Variants in ZNF473 observed in about 807,000 individuals in gnomAD.
ZNF473 encodes zinc finger protein 100 homolog.
Under a neutral mutation model 11.1 loss-of-function variants are expected in ZNF473, and 4 were observed. The observed-to-expected ratio is 0.36, with a 90% CI of 0.18 to 0.82. The LOEUF is 0.82. Ranked by LOEUF, ZNF473 falls within the 40% of genes least tolerant of loss-of-function variation. The probability of loss-of-function intolerance (pLI) is 0.49; values close to 1 mark genes in which losing one functional copy is unlikely to be tolerated. For synonymous variants in ZNF473, 404 were observed against 390.4 expected (o/e 1.03, Z -0.41); for missense variants, 854 against 1,084.0 (o/e 0.79, Z 2.98).
At position 50,033,542 on chromosome 19, in the gene ZNF473, G is replaced by A. The variant is rs117878682; in HGVS notation, c.9+2451G>A. On this transcript the variant is annotated intron_variant, in intron 2 of 4. Coordinates refer to ENST00000270617, the MANE Select transcript of ZNF473 (RefSeq NM_015428.4). The stretch of plus-strand genomic sequence containing the variant: ...TGCTCGTCCACCCAATTCCTGCTTA[G>A]CATCACCACTGGGACGACTGTTTCA... Among the ~76,000 whole-genome samples the A allele has an allele frequency of 2.3e-3, 349 of 152,296 alleles. 2 individuals carry two copies. Among genetic ancestry groups the A allele is most frequent in the Non-Finnish European group, 3.9e-3 (263 of 68,014 alleles).
At chr19:50,041,942 C>G (rs1978801488) in intron 4 of ZNF473, 123 bp downstream of exon 4, 1 of 711,812 alleles carries the variant, frequency 1.4e-6, no homozygotes, top group Admixed American at 3.4e-5. Context: ...GGACTTCACT[C>G]TGCTTCTCGC....
In ZNF473 at chr19:50,044,995, G is replaced by A; in HGVS notation, c.552G>A (p.Lys184=). 3 of 1,614,220 alleles carry A rather than the reference G, an allele frequency of 1.9e-6. No homozygotes were observed. Among genetic ancestry groups the A allele is most frequent in the Non-Finnish European group, 2.5e-6 (3 of 1,180,050 alleles). Residue 184 remains lysine (K), a synonymous_variant, in exon 5 of 5, where the codon AAG becomes AAA. Transcript: ENST00000270617. Reference sequence around the variant, plus strand: ...AGACCCTCACACCAGCTAAGTCTAAGGAATATAGGGGTGAGTTTTTCTCCT... The same window carrying A: ...AGACCCTCACACCAGCTAAGTCTAAAGAATATAGGGGTGAGTTTTTCTCCT... ...SEKTLTPAKS[K]EYRGEFFSYS... is the part of the protein sequence containing the mutation.
intron 2 of ZNF473, among the ~76,000 whole-genome samples, chr19:50,035,824 GA>G (rs1978399687): frequency 6.6e-6 from 1 of 152,102 alleles, no homozygotes; most frequent in Admixed American, 6.5e-5. Context: ...AGTAGAACTA[GA>G]ATTTGAACTG....
chr19:50,031,893 G>A (rs2077319997), intron 2 of ZNF473, among the ~76,000 whole-genome samples: 1 of 151,914 alleles, frequency 6.6e-6, no homozygotes, highest in Admixed American at 6.6e-5. Flanking sequence ...TTCCCTCCAG[G>A]AAGCTTTCCC....
Position 50,045,424 on chromosome 19 carries a change from G to A in ZNF473, c.981G>A (p.Lys327=). ...SKSYNCNECG[K]AFTRIFHLTR... The stretch of plus-strand genomic sequence containing the variant: ...CCTACAACTGTAACGAATGCGGCAA[G>A]GCTTTTACCCGGATCTTCCACCTTA... Residue 327 remains lysine, a synonymous_variant, in exon 5 of 5, where the codon AAG becomes AAA. Transcript: ENST00000270617. The A allele has an allele frequency of 6.2e-7, 1 of 1,614,148 alleles. No individual in the cohort carries two copies. The highest frequency in any genetic ancestry group is 8.5e-7 in the Non-Finnish European group (1 of 1,180,026).
chr19:50,031,284 C>T (rs375123376), intron 2 of ZNF473, among the ~76,000 whole-genome samples, 193 bp downstream of exon 2: 72 of 152,270 alleles, frequency 4.7e-4, no homozygotes, highest in East Asian at 1.7e-3. Flanking sequence ...AAGGAAAGCT[C>T]GCATGCTGTT....
intron 1 of ZNF473, among the ~76,000 whole-genome samples, chr19:50,026,327 G>A (rs1295494471): frequency 6.6e-6 from 1 of 150,718 alleles, no homozygotes; most frequent in Non-Finnish European, 1.5e-5. Context: ...CCAGCACTTT[G>A]GGAAGCCTTG....
rs1475998324 is a variant in ZNF473 at position 50,039,902 on chromosome 19, G to A, written c.136+615G>A. 1.3e-5 allele frequency among the ~76,000 whole-genome samples: 2 copies of A among 152,214 alleles called. No individual in the cohort carries two copies. The highest frequency in any genetic ancestry group is 2.9e-5 in the Non-Finnish European group (2 of 68,042). The stretch of plus-strand genomic sequence containing the variant: ...CCAGTGTTTGGAACGAACAGTACCT[G>A]CTCTAGGGCCCAGCAGACAGCTCTA... On this transcript the variant is annotated intron_variant, in intron 3 of 4. Coordinates refer to ENST00000270617, the MANE Select transcript of ZNF473 (RefSeq NM_015428.4). The surrounding 1 kb of genome is among the most constrained non-coding windows in gnomAD (Gnocchi z 4.8).
At position 50,046,661 on chromosome 19, in the gene ZNF473, G is replaced by T. The variant is rs780103521; in HGVS notation, c.2218G>T (p.Gly740Cys). 1 of 1,614,026 alleles carries T rather than the reference G, an allele frequency of 6.2e-7. No homozygotes were observed. Among genetic ancestry groups the T allele is most frequent in the Non-Finnish European group, 8.5e-7 (1 of 1,180,022 alleles). The change falls in exon 5 of 5, where the codon GGC (glycine) becomes TGC (cysteine). Residue 740 changes from glycine to cysteine, a missense_variant. By Grantham distance (159) the Gly-to-Cys change is radical. Coordinates refer to ENST00000270617, the MANE Select transcript of ZNF473 (RefSeq NM_015428.4). This position sits in a 1 kb window ranked among gnomAD's most constrained non-coding sequence, Gnocchi z 5.9. ...YVCDYCGKAF[G>C]LSAELVRHQR... Reference sequence around the variant, plus strand: ...ATGTGATTACTGCGGGAAGGCCTTCGGCCTGAGTGCTGAGCTTGTCCGCCA... The same window carrying T: ...ATGTGATTACTGCGGGAAGGCCTTCTGCCTGAGTGCTGAGCTTGTCCGCCA...
intron 1 of ZNF473, among the ~76,000 whole-genome samples, chr19:50,029,330 T>G (rs113441937): frequency 0.015 from 2,230 of 152,310 alleles, 62 homozygotes; most frequent in African/African-American, 0.05. Context: ...GTATTTTTAG[T>G]AGAGACGGGG....
At chr19:50,041,578 C>G in intron 3 of ZNF473, 152 bp from the exon 4 acceptor site, 1 of 546,150 alleles carries the variant, frequency 1.8e-6, no homozygotes, top group Non-Finnish European at 3.2e-6. Context: ...GACAGGCATC[C>G]CCAGAGTCGC....
chr19:50,038,941 C>T (rs895734184), intron 2 of ZNF473, among the ~76,000 whole-genome samples: 2 of 152,178 alleles, frequency 1.3e-5, no homozygotes, highest in African/African-American at 2.4e-5. Flanking sequence ...GTGTTAACTT[C>T]GGTTGACATC....
chr19:50,039,927 A>C lies in ZNF473; in HGVS notation c.136+640A>C, dbSNP rs575313039. Among the ~76,000 whole-genome samples the C allele has an allele frequency of 7.7e-4, 117 of 152,318 alleles. No individual in the cohort carries two copies. The highest frequency in any genetic ancestry group is 2.7e-3 in the African/African-American group (111 of 41,572). On this transcript the variant is annotated intron_variant, in intron 3 of 4. Coordinates refer to ENST00000270617, the MANE Select transcript of ZNF473 (RefSeq NM_015428.4). The surrounding 1 kb of genome is among the most constrained non-coding windows in gnomAD (Gnocchi z 4.8). ...GCTCTAGGGCCCAGCAGACAGCTCTAAACTAATGAATGATTGAGTAGCAGC... is the reference window on the plus strand; with the variant it reads ...GCTCTAGGGCCCAGCAGACAGCTCTCAACTAATGAATGATTGAGTAGCAGC...
Position 50,044,886 on chromosome 19 carries a change from A to C in ZNF473, c.443A>C (p.Lys148Thr). Residue 148 changes from lysine (K) to threonine (T), a missense_variant, in exon 5 of 5, where the codon AAG becomes ACG. By Grantham distance (78) the Lys-to-Thr change is moderately conservative. Transcript: ENST00000270617. ...ATNGESPTEC[K>T]SHELKRGLSP... Reference sequence around the variant, plus strand: ...AACGGGGAAAGTCCCACGGAATGCAAGAGTCATGAATTAAAGAGAGGACTC... The same window carrying C: ...AACGGGGAAAGTCCCACGGAATGCACGAGTCATGAATTAAAGAGAGGACTC... 6.2e-7 allele frequency: 1 copy of C among 1,614,240 alleles called. No homozygotes were observed.
At chr19:50,027,407 A>G (rs1484068543) in intron 1 of ZNF473, among the ~76,000 whole-genome samples, 1 of 152,094 alleles carries the variant, frequency 6.6e-6, no homozygotes, top group Admixed American at 6.5e-5. Context: ...GAGAAGGTAA[A>G]TGGTCTGGAA....
chr19:50,028,692 C>A (rs2077300935), intron 1 of ZNF473, among the ~76,000 whole-genome samples: 1 of 152,044 alleles, frequency 6.6e-6, no homozygotes, highest in Admixed American at 6.6e-5. Flanking sequence ...GTTGCCAAAT[C>A]CTAGGATGTT....
chr19:50,041,863 A>G, intron 4 of ZNF473, 44 bp downstream of exon 4: 4 of 1,515,338 alleles, frequency 2.6e-6, no homozygotes, highest in Non-Finnish European at 3.6e-6. Context: ...TCTGTCTTCC[A>G]GACCTCCATC....
At chr19:50,031,519 C>T (rs1286619700) in intron 2 of ZNF473, among the ~76,000 whole-genome samples, 2 of 152,180 alleles carry the variant, frequency 1.3e-5, no homozygotes, top group Admixed American at 6.5e-5. Context: ...TGCCCCTTTT[C>T]CATGTGGTAG....
chr19:50,027,811 C>T (rs540790147), intron 1 of ZNF473, among the ~76,000 whole-genome samples: 1 of 152,178 alleles, frequency 6.6e-6, no homozygotes, highest in African/African-American at 2.4e-5. Context: ...CCTCAGCCTC[C>T]CAAGCAGCTG....
Sources: gnomAD v4.1 joint callset for allele counts (sites outside exome capture counted in the v4.1 genomes callset) on GRCh38, gnomAD v4.1.1 for gene constraint, Gnocchi (gnomAD v3.1) non-coding constraint, MANE v1.5 for transcripts, NCBI Gene and HGNC (gene_info 2026-07-23, HGNC 2026-07-21) for gene names.